The following DAPK1 variants were observed in gnomAD, a reference collection of about 807,000 sequenced individuals.
The protein encoded by DAPK1 is death-associated protein kinase 1.
In DAPK1, 56 loss-of-function variants were observed where a neutral mutation model predicts 144.9. The ratio of observed to expected loss-of-function variants is 0.39; its 90% confidence interval spans 0.31 to 0.48. The LOEUF is 0.48. Among genes scored for constraint, DAPK1 ranks in the 20% least tolerant of loss-of-function variants. The pLI is 0.95. For synonymous variants in DAPK1, 690 were observed against 749.0 expected (o/e 0.92, Z 1.29); for missense variants, 1,454 against 1,875.4 (o/e 0.78, Z 4.15).
intron 19 of DAPK1, among the ~76,000 whole-genome samples, chr9:87,680,944 G>A (rs1473833295): frequency 6.6e-6 from 1 of 152,196 alleles, no homozygotes; most frequent in Non-Finnish European, 1.5e-5. Flanking sequence ...TTGATGTTAT[G>A]TGAATTTTAC....
In DAPK1 at chr9:87,698,805, G is replaced by T. The variant is rs372165691; in HGVS notation, c.2750+11G>T. ...AGAGATTAGGAACAGGTGAGGGGCA[G>T]CCACTTAGTCTCCAGCTCACGGGTA... On this transcript the variant is annotated intron_variant, in intron 23 of 25. Transcript: ENST00000408954. 40 of 1,567,342 alleles carry T rather than the reference G, an allele frequency of 2.6e-5. 1 individual carries two copies. The East Asian group carries it at 3.4e-4, about 13-fold the overall frequency.
chr9:87,610,569 G>A (rs1268682956), intron 3 of DAPK1, among the ~76,000 whole-genome samples: 1 of 152,252 alleles, frequency 6.6e-6, no homozygotes, highest in East Asian at 1.9e-4. Flanking sequence ...ATTTTGGTCT[G>A]TGGATAGTTA....
intron 21 of DAPK1, among the ~76,000 whole-genome samples, chr9:87,688,690 T>C (rs1824952585): frequency 1.3e-5 from 2 of 152,172 alleles, no homozygotes; most frequent in Non-Finnish European, 1.5e-5. Context: ...ATTAGTGATG[T>C]TGAGCTTTTT....
intron 18 of DAPK1, among the ~76,000 whole-genome samples, chr9:87,664,769 T>G (rs1295245686): frequency 6.6e-6 from 1 of 152,204 alleles, no homozygotes; most frequent in Non-Finnish European, 1.5e-5. Context: ...TCATCCTCCT[T>G]GCTCAGATGC....
At chr9:87,553,003 T>A (rs965672057) in intron 2 of DAPK1, among the ~76,000 whole-genome samples, 1 of 152,184 alleles carries the variant, frequency 6.6e-6, no homozygotes, top group Non-Finnish European at 1.5e-5. Flanking sequence ...AACTTTTTCG[T>A]CATCCCAAGC....
At chr9:87,639,549 T>A (rs1384365969) in intron 5 of DAPK1, 66 bp downstream of exon 5, 1 of 1,609,916 alleles carries the variant, frequency 6.2e-7, no homozygotes, top group East Asian at 2.2e-5. Flanking sequence ...CCTCCCCTGC[T>A]AGAAGATTCT....
chr9:87,706,563 C>G lies in DAPK1; in HGVS notation c.3492C>G (p.Asp1164Glu), dbSNP rs776403573. 6.2e-7 allele frequency: 1 copy of G among 1,613,684 alleles called. No homozygotes were observed. The highest frequency in any genetic ancestry group is 8.5e-7 in the Non-Finnish European group (1 of 1,179,600). Residue 1164 changes from aspartate to glutamate, a missense_variant, in exon 26 of 26, where the codon GAC (aspartate) becomes GAG (glutamate). Asp to Glu is a conservative substitution (Grantham distance 45, BLOSUM62 2). Around this residue, in one of 2 missense-constraint regions of DAPK1, gnomAD observed 1,025 missense variants for 1,237.9 expected, o/e 0.83. Transcript: ENST00000408954. The surrounding 1 kb of genome is among the most constrained non-coding windows in gnomAD (Gnocchi z 9.0). Reference sequence around the variant, plus strand: ...TCCACCAGCAAAGCACAGAGGGCGACGCGGACATCCGCCTGTGGGTGAATG... The same window carrying G: ...TCCACCAGCAAAGCACAGAGGGCGAGGCGGACATCCGCCTGTGGGTGAATG... ...RWIHQQSTEGDADIRLWVNGC... is the reference protein window; with the variant it reads ...RWIHQQSTEGEADIRLWVNGC...
At chr9:87,541,379 C>T (rs1199151014) in intron 2 of DAPK1, among the ~76,000 whole-genome samples, 3 of 152,050 alleles carry the variant, frequency 2.0e-5, no homozygotes, top group Non-Finnish European at 4.4e-5. Context: ...GAAACCCTGT[C>T]TCTACTGAAA....
chr9:87,702,124 A>G (rs1397316581), intron 24 of DAPK1, among the ~76,000 whole-genome samples: 1 of 152,170 alleles, frequency 6.6e-6, no homozygotes, highest in Non-Finnish European at 1.5e-5. Flanking sequence ...TCCTGAGCTC[A>G]GGCAGGTGGA....
intron 14 of DAPK1, 125 bp from the exon 15 acceptor site, chr9:87,648,656 G>A: frequency 1.3e-6 from 1 of 786,392 alleles, no homozygotes; most frequent in Non-Finnish European, 2.2e-6. Context: ...TCTGCCCAAG[G>A]TGGGTGGGTG....
chr9:87,681,292 A>G, intron 19 of DAPK1, 112 bp from the exon 20 acceptor site: 2 of 702,194 alleles, frequency 2.8e-6, no homozygotes, highest in Admixed American at 4.9e-5. Context: ...AAAGAAAAAA[A>G]GAAACATATC....
intron 2 of DAPK1, among the ~76,000 whole-genome samples, chr9:87,520,563 A>G (rs952020786): frequency 3.9e-5 from 6 of 152,228 alleles, no homozygotes; most frequent in Non-Finnish European, 8.8e-5. Flanking sequence ...CAGGTGTTTA[A>G]AAATCCGCCA....
intron 2 of DAPK1, among the ~76,000 whole-genome samples, chr9:87,533,617 G>A (rs960308946): frequency 2.0e-5 from 3 of 151,936 alleles, no homozygotes; most frequent in Non-Finnish European, 4.4e-5. Context: ...TTTATGATAG[G>A]AACAATTTCT....
intron 2 of DAPK1, among the ~76,000 whole-genome samples, chr9:87,551,886 G>A (rs1051981036): frequency 5.3e-5 from 8 of 152,172 alleles, no homozygotes; most frequent in Admixed American, 4.6e-4. Context: ...ATAGACACGT[G>A]AAAGTCTAGC....
intron 3 of DAPK1, among the ~76,000 whole-genome samples, chr9:87,635,936 A>G (rs1391024507): frequency 6.6e-6 from 1 of 152,156 alleles, no homozygotes; most frequent in African/African-American, 2.4e-5. Context: ...CCCAGGTGTG[A>G]TGGGAGAGCT....
intron 2 of DAPK1, among the ~76,000 whole-genome samples, chr9:87,559,842 C>G (rs1189337010): frequency 6.6e-6 from 1 of 152,074 alleles, no homozygotes; most frequent in Non-Finnish European, 1.5e-5. Context: ...CCCAGTGTCA[C>G]CAGACTCGTG....
chr9:87,566,912 C>G (rs36232910), intron 2 of DAPK1, among the ~76,000 whole-genome samples: 1 of 152,156 alleles, frequency 6.6e-6, no homozygotes, highest in Non-Finnish European at 1.5e-5. Flanking sequence ...TCCCTCCTTG[C>G]AATCACTATG....
At chr9:87,561,136 A>G (rs1376734944) in intron 2 of DAPK1, among the ~76,000 whole-genome samples, 3 of 152,120 alleles carry the variant, frequency 2.0e-5, no homozygotes, top group African/African-American at 7.2e-5. Context: ...AGCGGAACCA[A>G]TAATATATTA....
At chr9:87,508,584 C>T (rs143967483) in intron 2 of DAPK1, among the ~76,000 whole-genome samples, 349 of 151,760 alleles carry the variant, frequency 2.3e-3, no homozygotes, top group African/African-American at 7.1e-3. Context: ...CCTCGTGATC[C>T]GCCCACCTCG....
Sources: allele counts gnomAD v4.1 joint callset (sites outside exome capture counted in the v4.1 genomes callset), GRCh38; gene constraint gnomAD v4.1.1; regional missense constraint gnomAD v4.1.1; non-coding constraint Gnocchi (gnomAD v3.1); transcripts MANE v1.5; gene names NCBI Gene and HGNC (gene_info 2026-07-23, HGNC 2026-07-21).